ERAP1: variants seen among roughly 807,000 people sequenced by gnomAD.
ERAP1 encodes the protein adipocyte-derived leucine aminopeptidase.
In ERAP1, 86 loss-of-function variants were observed where a neutral mutation model predicts 103.7. The ratio of observed to expected loss-of-function variants is 0.83; its 90% CI spans 0.70 to 0.99. The LOEUF (loss-of-function observed/expected upper bound fraction) is 0.99, where lower values mean the gene tolerates loss of function less well. ERAP1 is among the 50% of genes least tolerant of loss of function. The pLI, the probability that ERAP1 is intolerant of heterozygous loss-of-function variation, is 0.00. For missense variants in ERAP1, 1,009 were observed against 1,128.4 expected (o/e 0.89, Z 1.52); for synonymous variants, 398 against 402.4 (o/e 0.99, Z 0.13).
At chr5:96,899,553 G>A in the ERAP1 span, among the ~76,000 whole-genome samples, 1 of 152,136 alleles carries the variant, frequency 6.6e-6, no homozygotes, top group Non-Finnish European at 1.5e-5. Context: ...TTAAGTACTG[G>A]TTATTCAAGG....
In ERAP1 at chr5:96,787,833, TAC is replaced by T. The variant is rs199697794; in HGVS notation, c.1679+696_1679+697del. On this transcript the variant is annotated intron_variant, in intron 11 of 18. Coordinates refer to ENST00000443439, the MANE Select transcript of ERAP1 (RefSeq NM_001040458.3). ...ATATATACACATATATATGTATATA[TAC>T]ACACACACATATATCCACACAAACA... Among the ~76,000 whole-genome samples the T allele has an allele frequency of 0.03, 4,524 of 150,758 alleles. 725 individuals carry two copies. In the East Asian group the frequency reaches 0.45, roughly 15 times the overall value.
chr5:96,887,969 A>G, the ERAP1 span, among the ~76,000 whole-genome samples: 1 of 152,014 alleles, frequency 6.6e-6, no homozygotes, highest in Non-Finnish European at 1.5e-5. Context: ...TACTAAAAAT[A>G]CAAAAATTAG....
At chr5:96,909,555 G>C in the ERAP1 span, 1 of 1,597,184 alleles carries the variant, frequency 6.3e-7, no homozygotes, top group Non-Finnish European at 8.6e-7. Flanking sequence ...TAGCCTCTCT[G>C]TTAACCATCT....
chr5:96,791,937 G>A (rs937802929), intron 8 of ERAP1, 124 bp downstream of exon 8: 2 of 980,456 alleles, frequency 2.0e-6, no homozygotes, highest in Non-Finnish European at 3.2e-6. Flanking sequence ...ACTCCAGCCA[G>A]CACGTGTCAA....
At chr5:96,853,861 A>AAAAG in the ERAP1 span, among the ~76,000 whole-genome samples, 2 of 151,570 alleles carry the variant, frequency 1.3e-5, no homozygotes, top group Admixed American at 1.3e-4. Context: ...AAAAAAAAAA[A>AAAAG]AAGAAGCATG....
At chr5:96,846,204 G>C in the ERAP1 span, among the ~76,000 whole-genome samples, 3 of 152,266 alleles carry the variant, frequency 2.0e-5, no homozygotes, top group Admixed American at 1.3e-4. Context: ...TGGGGAACTT[G>C]GTATAAACAG....
At chr5:96,906,708 T>C in the ERAP1 span, among the ~76,000 whole-genome samples, 82,499 of 152,180 alleles carry the variant, frequency 0.54, 22,441 homozygotes, top group Admixed American at 0.59. Context: ...GAAAAAGCTA[T>C]ATTTGTTTCT....
the ERAP1 span, among the ~76,000 whole-genome samples, chr5:96,840,893 A>C: frequency 1.3e-5 from 2 of 151,932 alleles, no homozygotes; most frequent in African/African-American, 4.8e-5. Flanking sequence ...TTTAGTAGAG[A>C]CAGGGTTTCA....
chr5:96,921,303 A>G, the ERAP1 span, among the ~76,000 whole-genome samples: 3 of 152,256 alleles, frequency 2.0e-5, no homozygotes, highest in Admixed American at 1.3e-4. Context: ...GCATTAAAAT[A>G]ATTTTATTCT....
chr5:96,899,503 C>T, the ERAP1 span, among the ~76,000 whole-genome samples: 1 of 152,146 alleles, frequency 6.6e-6, no homozygotes, highest in African/African-American at 2.4e-5. Context: ...CATTTGAGAG[C>T]CTTAGCACAT....
the ERAP1 span, among the ~76,000 whole-genome samples, chr5:96,894,089 ACCT>A: frequency 6.6e-6 from 1 of 151,662 alleles, no homozygotes; most frequent in African/African-American, 2.4e-5. Context: ...CTACTGGTTG[ACCT>A]CCATCATTTG....
chr5:96,818,066 A>G, the ERAP1 span, among the ~76,000 whole-genome samples: 1 of 152,252 alleles, frequency 6.6e-6, no homozygotes, highest in Admixed American at 6.5e-5. Flanking sequence ...AGCCTCAAGT[A>G]ATATTGATTG....
chr5:96,841,792 A>AT, the ERAP1 span, among the ~76,000 whole-genome samples: 2 of 131,344 alleles, frequency 1.5e-5, no homozygotes, highest in Non-Finnish European at 3.3e-5. Context: ...TACTCTTAAA[A>AT]TTTTTTTCAT....
At chr5:96,908,209 G>T in the ERAP1 span, among the ~76,000 whole-genome samples, 2 of 152,140 alleles carry the variant, frequency 1.3e-5, no homozygotes, top group Non-Finnish European at 2.9e-5. Context: ...TCTGGGAGTT[G>T]GGTGTTCACA....
upstream of ERAP1, among the ~76,000 whole-genome samples, chr5:96,813,062 A>G (rs1189353129): frequency 1.3e-5 from 2 of 152,176 alleles, no homozygotes; most frequent in African/African-American, 2.4e-5. Flanking sequence ...AAGAGACATT[A>G]TCTTACCCCT....
At chr5:96,870,970 A>G in the ERAP1 span, among the ~76,000 whole-genome samples, 1 of 152,182 alleles carries the variant, frequency 6.6e-6, no homozygotes, top group Non-Finnish European at 1.5e-5. Context: ...TCAGTGGTTC[A>G]GTTTCTGGCA....
At chr5:96,879,175 T>C in the ERAP1 span, among the ~76,000 whole-genome samples, 1 of 152,136 alleles carries the variant, frequency 6.6e-6, no homozygotes, top group African/African-American at 2.4e-5. Flanking sequence ...GCTGTGATCA[T>C]GATTGCACAC....
intron 3 of ERAP1, among the ~76,000 whole-genome samples, chr5:96,797,991 C>A (rs1777532728): frequency 6.6e-6 from 1 of 152,076 alleles, no homozygotes; most frequent in African/African-American, 2.4e-5. Flanking sequence ...AAATATATAA[C>A]CCTGTAGTAC....
the ERAP1 span, among the ~76,000 whole-genome samples, chr5:96,847,298 A>G: frequency 2.1e-4 from 32 of 151,944 alleles, no homozygotes; most frequent in East Asian, 6.0e-3. Context: ...TACAGCTTTC[A>G]AAACTTGTTT....
Sources: gnomAD v4.1 joint callset for allele counts (sites outside exome capture counted in the v4.1 genomes callset) on GRCh38, gnomAD v4.1.1 for gene constraint, MANE v1.5 for transcripts, NCBI Gene and HGNC (gene_info 2026-07-23, HGNC 2026-07-21) for gene names.